ERGIC2: variants seen among roughly 807,000 people sequenced by gnomAD.
ERGIC2 encodes ERGIC and golgi 2, also known as endoplasmic reticulum-Golgi intermediate compartment protein 2.
ERGIC2 carries 31 observed loss-of-function variants against 52.5 expected under a neutral mutation model. The ratio of observed to expected loss-of-function variants is 0.59; its 90% CI spans 0.44 to 0.80. ERGIC2 has a LOEUF of 0.80. ERGIC2 is among the 30% of genes least tolerant of loss of function. ERGIC2 has a pLI of 0.00. For missense variants in ERGIC2, 395 were observed against 455.2 expected (o/e 0.87, Z 1.20); for synonymous variants, 129 against 140.6 (o/e 0.92, Z 0.58).
intron 3 of ERGIC2, among the ~76,000 whole-genome samples, chr12:29,369,304 G>C (rs1484499984): frequency 1.3e-5 from 2 of 151,882 alleles, no homozygotes; most frequent in Non-Finnish European, 2.9e-5. Flanking sequence ...CAAATTCTTT[G>C]AAAACCAATA....
At chr12:29,361,132 G>A (rs1457806326) in intron 6 of ERGIC2, among the ~76,000 whole-genome samples, 2 of 151,962 alleles carry the variant, frequency 1.3e-5, no homozygotes, top group African/African-American at 2.4e-5. Context: ...CCTGTAGTGT[G>A]CGCCAGCTAC....
intron 1 of ERGIC2, among the ~76,000 whole-genome samples, chr12:29,378,758 A>G (rs1021946930): frequency 6.6e-6 from 1 of 152,134 alleles, no homozygotes; most frequent in African/African-American, 2.4e-5. Flanking sequence ...GACAATATAA[A>G]TGTGAGTTTA....
chr12:29,379,508 A>G (rs1940558114), intron 1 of ERGIC2, among the ~76,000 whole-genome samples: 1 of 152,242 alleles, frequency 6.6e-6, no homozygotes, highest in Non-Finnish European at 1.5e-5. Context: ...TTTAAACAAT[A>G]TCTTCTTCAG....
At chr12:29,347,572 T>C (rs775452924) in intron 10 of ERGIC2, among the ~76,000 whole-genome samples, 3 of 152,128 alleles carry the variant, frequency 2.0e-5, no homozygotes, top group Non-Finnish European at 2.9e-5. Context: ...TAATTCCCTA[T>C]AGGAACGTGC....
At position 29,339,681 on chromosome 12, in the gene ERGIC2, A is replaced by C. The variant is rs565714737; in HGVS notation, c.*1475T>G. 2 of 152,246 alleles carry C rather than the reference A, an allele frequency of 1.3e-5. No homozygotes were observed. Among genetic ancestry groups the C allele is most frequent in the South Asian group, 4.1e-4 (2 of 4,826 alleles). The allele number at this position is 152,246 out of a possible 1,614,324, so 9.4% of individuals were successfully genotyped here. On this transcript the variant is annotated 3_prime_UTR_variant, in exon 14 of 14. Coordinates refer to ENST00000360150, the MANE Select transcript of ERGIC2 (RefSeq NM_016570.3). ...TTTCTGCAAAACGTCATTCTGCATA[A>C]ACTTTACTGCAAAACAGACCCATCA...
At chr12:29,377,902 C>T (rs1206065570) in intron 1 of ERGIC2, among the ~76,000 whole-genome samples, 1 of 152,140 alleles carries the variant, frequency 6.6e-6, no homozygotes, top group African/African-American at 2.4e-5. Context: ...TCCTGCTACC[C>T]AAGTTTTGAG....
chr12:29,357,813 G>A, intron 6 of ERGIC2, 89 bp from the exon 7 acceptor site: 1 of 769,750 alleles, frequency 1.3e-6, no homozygotes. Flanking sequence ...AGCTGACTTA[G>A]TTAAATCATA....
chr12:29,370,573 C>T (rs1940427769), intron 2 of ERGIC2, among the ~76,000 whole-genome samples: 1 of 151,876 alleles, frequency 6.6e-6, no homozygotes, highest in Non-Finnish European at 1.5e-5. Flanking sequence ...TGAAAGTAAG[C>T]ATGCCTTATA....
chr12:29,341,399 C>T (rs1459614159), intron 13 of ERGIC2, among the ~76,000 whole-genome samples, 181 bp from the exon 14 acceptor site: 1 of 120,266 alleles, frequency 8.3e-6, no homozygotes, highest in Admixed American at 9.3e-5. Flanking sequence ...GCAGGGTCTG[C>T]TCTGTCACCC....
chr12:29,358,619 G>A (rs1484470660), intron 6 of ERGIC2, among the ~76,000 whole-genome samples: 1 of 152,064 alleles, frequency 6.6e-6, no homozygotes, highest in Non-Finnish European at 1.5e-5. Flanking sequence ...GGAACCTGTA[G>A]CGGGACGGGT....
intron 1 of ERGIC2, among the ~76,000 whole-genome samples, chr12:29,379,393 G>C (rs1369368129): frequency 6.6e-6 from 1 of 152,014 alleles, no homozygotes; most frequent in Non-Finnish European, 1.5e-5. Context: ...CATTAAAAGA[G>C]GATAATAATT....
chr12:29,375,943 A>G (rs1389059615), intron 1 of ERGIC2, among the ~76,000 whole-genome samples: 1 of 152,208 alleles, frequency 6.6e-6, no homozygotes, highest in Non-Finnish European at 1.5e-5. Context: ...GGCATAAACA[A>G]GGTATCCAAT....
chr12:29,376,626 T>C (rs1174135782), intron 1 of ERGIC2, among the ~76,000 whole-genome samples: 1 of 152,186 alleles, frequency 6.6e-6, no homozygotes, highest in African/African-American at 2.4e-5. Flanking sequence ...GGAACTACCC[T>C]TCAAGCTCTT....
intron 7 of ERGIC2, 112 bp from the exon 8 acceptor site, chr12:29,356,589 T>A: frequency 1.8e-6 from 1 of 554,518 alleles, no homozygotes; most frequent in Non-Finnish European, 3.1e-6. Context: ...TAGGTAATAT[T>A]CTAAATGTTA....
At chr12:29,358,174 A>C (rs1940234980) in intron 6 of ERGIC2, among the ~76,000 whole-genome samples, 1 of 152,232 alleles carries the variant, frequency 6.6e-6, no homozygotes, top group Admixed American at 6.5e-5. Flanking sequence ...TCATACCACA[A>C]GTAACTGATT....
rs140632144 is a variant in ERGIC2, at chr12:29,341,042, A to C, written c.*114T>G. 1 of 766,870 alleles carries C rather than the reference A, an allele frequency of 1.3e-6. No individual in the cohort carries two copies. Among genetic ancestry groups the C allele is most frequent in the African/African-American group, 1.8e-5 (1 of 55,846 alleles). The allele number at this position is 766,870 out of a possible 1,614,324, so 47.5% of individuals were successfully genotyped here. ...CTTTTTTTTCTTTTTTAAAATAAGTATGTTTTCTGCTTATTTGTGTTTTCT... is the reference window on the plus strand; with the variant it reads ...CTTTTTTTTCTTTTTTAAAATAAGTCTGTTTTCTGCTTATTTGTGTTTTCT... On this transcript the variant is annotated 3_prime_UTR_variant, in exon 14 of 14. Transcript: ENST00000360150.
rs1940392168 is a variant in ERGIC2, at chr12:29,368,290, G to A, written c.216-3C>T. The A allele has an allele frequency of 6.8e-7, 1 of 1,479,932 alleles. No individual in the cohort carries two copies. Among genetic ancestry groups the A allele is most frequent in the Non-Finnish European group, 9.4e-7 (1 of 1,060,620 alleles). The allele number at this position is 1,479,932 out of a possible 1,614,324, so 91.7% of individuals were successfully genotyped here. A position where few individuals can be genotyped will look rare whatever the true frequency, so the allele number is the denominator to read the frequency against. On this transcript the variant is annotated splice_region_variant and splice_polypyrimidine_tract_variant and intron_variant, in intron 3 of 13. Transcript: ENST00000360150. ...TATCTATATTAATTCTTAATTTGCT[G>A]AAAGACAAAATATTAAACATTAGTA... is the stretch of plus-strand genomic sequence containing the variant.
chr12:29,344,668 CA>C (rs201383961), intron 11 of ERGIC2, among the ~76,000 whole-genome samples: 94 of 142,376 alleles, frequency 6.6e-4, no homozygotes, highest in Non-Finnish European at 9.1e-4. Context: ...CTCATAAGAA[CA>C]AAAAAAAAAA....
At chr12:29,363,799 GAA>G (rs1246364252) in intron 5 of ERGIC2, among the ~76,000 whole-genome samples, 1 of 135,692 alleles carries the variant, frequency 7.4e-6, no homozygotes, top group African/African-American at 2.8e-5. Context: ...GATGTAGGGG[GAA>G]AAAAAAAGAT....
Sources: gnomAD v4.1 joint callset for allele counts (sites outside exome capture counted in the v4.1 genomes callset) on GRCh38, gnomAD v4.1.1 for gene constraint, MANE v1.5 for transcripts, NCBI Gene and HGNC (gene_info 2026-07-23, HGNC 2026-07-21) for gene names.